Variants in NEK7 observed in about 807,000 individuals in gnomAD.
The protein encoded by NEK7 is NIMA related kinase 7, also known as serine/threonine-protein kinase Nek7.
Under a neutral mutation model 44.6 loss-of-function variants are expected in NEK7, and 18 were observed. The ratio of observed to expected loss-of-function variants is 0.40; its 90% confidence interval spans 0.28 to 0.60. NEK7 has a LOEUF of 0.60. Among genes scored for constraint, NEK7 ranks in the 20% least tolerant of loss-of-function variants. NEK7 has a pLI of 0.38. For missense variants in NEK7, 256 were observed against 366.5 expected, an observed-to-expected ratio of 0.70 and a Z score of 2.46; for synonymous variants, 130 against 121.1, an observed-to-expected ratio of 1.07 and a Z score of -0.48.
intron 1 of NEK7, among the ~76,000 whole-genome samples, chr1:198,157,785 CT>C (rs1389631749): frequency 3.9e-5 from 6 of 152,120 alleles, no homozygotes. Context: ...TCCGAAGTGG[CT>C]TCAGAAGTAC....
chr1:198,252,717 T>G (rs1050162290), intron 2 of NEK7, among the ~76,000 whole-genome samples: 5 of 151,078 alleles, frequency 3.3e-5, no homozygotes, highest in Admixed American at 2.0e-4. Context: ...TGTTTACATA[T>G]TTATTAAAAC....
At chr1:198,177,462 G>T (rs1337166683) in intron 1 of NEK7, among the ~76,000 whole-genome samples, 2 of 151,970 alleles carry the variant, frequency 1.3e-5, no homozygotes, top group Non-Finnish European at 2.9e-5. Flanking sequence ...TATTTTCAAC[G>T]TTCAGAGACA....
rs114643748 is a variant in NEK7, at chr1:198,319,021, A to G, written c.799-391A>G. On this transcript the variant is annotated intron_variant, in intron 9 of 9. Coordinates refer to ENST00000367385, the MANE Select transcript of NEK7 (RefSeq NM_133494.3). The stretch of plus-strand genomic sequence containing the variant: ...TAATTGCCTTCCATTTAAACTTACA[A>G]TTAAGTCTGTTGTAGTAGATTCTAG... Among the ~76,000 whole-genome samples the G allele has an allele frequency of 5.4e-3, 820 of 152,246 alleles. 10 individuals are homozygous for G. The highest frequency in any genetic ancestry group is 0.019 in the African/African-American group (785 of 41,568).
At chr1:198,182,851 T>C (rs979112311) in intron 1 of NEK7, among the ~76,000 whole-genome samples, 2 of 152,190 alleles carry the variant, frequency 1.3e-5, no homozygotes, top group African/African-American at 2.4e-5. Flanking sequence ...TTTGTTGTTA[T>C]GGACTTCATA....
intron 3 of NEK7, among the ~76,000 whole-genome samples, chr1:198,260,490 T>C (rs532809923): frequency 3.2e-4 from 49 of 152,054 alleles, no homozygotes; most frequent in African/African-American, 1.2e-3. Context: ...TCTGAAATCA[T>C]GGTAGTTAAC....
Position 198,318,910 on chromosome 1 carries a change from G to A in NEK7, c.799-502G>A, listed in dbSNP as rs376085900. ...AATTTATTATAATTAGTTTAAAGGAGTGTTTTTTTCTCTAATACAAAATTT... is the reference window on the plus strand; with the variant it reads ...AATTTATTATAATTAGTTTAAAGGAATGTTTTTTTCTCTAATACAAAATTT... On this transcript the variant is annotated intron_variant, in intron 9 of 9. Coordinates refer to ENST00000367385, the MANE Select transcript of NEK7 (RefSeq NM_133494.3). Among the ~76,000 whole-genome samples, 45 of 152,036 alleles carry A rather than the reference G, an allele frequency of 3.0e-4. No individual in the cohort carries two copies. In the East Asian group the frequency reaches 8.1e-3, roughly 27 times the overall value.
chr1:198,299,237 G>A (rs1002682967), intron 9 of NEK7, among the ~76,000 whole-genome samples: 23 of 152,086 alleles, frequency 1.5e-4, no homozygotes, highest in Non-Finnish European at 2.4e-4. Context: ...AAAAATATGC[G>A]GACTGTATAA....
intron 4 of NEK7, 141 bp downstream of exon 4, chr1:198,262,778 G>T: frequency 2.4e-6 from 1 of 414,628 alleles, no homozygotes; most frequent in Admixed American, 3.8e-5. Flanking sequence ...TTAAATTTCA[G>T]TATACTGAAG....
At chr1:198,159,328 G>C (rs1017884555) in intron 1 of NEK7, among the ~76,000 whole-genome samples, 12 of 152,006 alleles carry the variant, frequency 7.9e-5, no homozygotes, top group Non-Finnish European at 1.6e-4. Flanking sequence ...GAAGGAGGAG[G>C]GGGGCTTCAG....
At chr1:198,282,638 C>T (rs992702671) in intron 7 of NEK7, among the ~76,000 whole-genome samples, 1 of 152,106 alleles carries the variant, frequency 6.6e-6, no homozygotes, top group Non-Finnish European at 1.5e-5. Context: ...ATAATGAATG[C>T]AAGTGTTTTC....
intron 1 of NEK7, among the ~76,000 whole-genome samples, chr1:198,166,091 G>A (rs957202162): frequency 6.6e-6 from 1 of 152,216 alleles, no homozygotes; most frequent in Non-Finnish European, 1.5e-5. Context: ...CCCTGGATTA[G>A]ACTTTGATTT....
chr1:198,294,421 T>G (rs892413663), intron 8 of NEK7, among the ~76,000 whole-genome samples: 1 of 152,126 alleles, frequency 6.6e-6, no homozygotes, highest in Admixed American at 6.5e-5. Flanking sequence ...ATTTTATATT[T>G]GTTTAGTTAA....
At chr1:198,201,149 T>C (rs1235376708) in intron 1 of NEK7, among the ~76,000 whole-genome samples, 1 of 152,184 alleles carries the variant, frequency 6.6e-6, no homozygotes, top group Non-Finnish European at 1.5e-5. Flanking sequence ...AAGAGGGTGC[T>C]GTTTTTGTGT....
chr1:198,268,867 A>G (rs562356656), intron 5 of NEK7, among the ~76,000 whole-genome samples: 62 of 152,064 alleles, frequency 4.1e-4, no homozygotes, highest in African/African-American at 1.2e-3. Flanking sequence ...TTGGCCTTTC[A>G]TTTCCTTGAA....
At chr1:198,249,760 T>C (rs1361734918) in intron 2 of NEK7, among the ~76,000 whole-genome samples, 1 of 140,976 alleles carries the variant, frequency 7.1e-6, no homozygotes, top group African/African-American at 2.7e-5. Context: ...TAAATTTGTT[T>C]GAGTTCATTG....
intron 1 of NEK7, among the ~76,000 whole-genome samples, chr1:198,191,841 A>T (rs1665082020): frequency 6.6e-6 from 1 of 152,064 alleles, no homozygotes; most frequent in African/African-American, 2.4e-5. Flanking sequence ...GTATTTATTG[A>T]TTCAAAATAA....
chr1:198,203,834 A>AT (rs35769214), intron 1 of NEK7, among the ~76,000 whole-genome samples: 3,173 of 149,050 alleles, frequency 0.021, 69 homozygotes, highest in Middle Eastern at 0.032. Context: ...GGTTGAATTC[A>AT]TTTTTTTTTT....
intron 7 of NEK7, among the ~76,000 whole-genome samples, chr1:198,292,433 G>T (rs529260850): frequency 5.9e-5 from 9 of 151,984 alleles, no homozygotes; most frequent in African/African-American, 2.2e-4. Context: ...TTCTAAAGTG[G>T]AAGTAAGGCA....
At chr1:198,296,942 G>C (rs978741315) in intron 8 of NEK7, among the ~76,000 whole-genome samples, 185 bp from the exon 9 acceptor site, 3 of 152,130 alleles carry the variant, frequency 2.0e-5, no homozygotes, top group Non-Finnish European at 4.4e-5. Flanking sequence ...ATAACCAAAA[G>C]TTGCAGTAAG....
Sources: allele counts gnomAD v4.1 joint callset (sites outside exome capture counted in the v4.1 genomes callset), GRCh38; gene constraint gnomAD v4.1.1; transcripts MANE v1.5; gene names NCBI Gene and HGNC (gene_info 2026-07-23, HGNC 2026-07-21).